CREB3L3: variants seen among roughly 807,000 people sequenced by gnomAD.
CREB3L3 encodes the protein cyclic AMP-responsive element-binding protein 3-like protein 3.
In CREB3L3, 40 loss-of-function variants were observed where a neutral mutation model predicts 44.6. The observed-to-expected ratio is 0.90, with a 90% confidence interval of 0.70 to 1.17. CREB3L3 has a LOEUF of 1.17. Ranked by LOEUF, CREB3L3 falls within the 50% of genes most tolerant of loss-of-function variation. The probability of loss-of-function intolerance (pLI) is 0.00; values close to 1 mark genes in which losing one functional copy is unlikely to be tolerated. For missense variants in CREB3L3, 578 were observed against 595.8 expected, an observed-to-expected ratio of 0.97 and a Z score of 0.31; for synonymous variants, 273 against 256.3, an observed-to-expected ratio of 1.06 and a Z score of -0.62.
intron 4 of CREB3L3, among the ~76,000 whole-genome samples, chr19:4,163,534 T>C (rs1379112614): frequency 1.3e-5 from 2 of 152,106 alleles, no homozygotes; most frequent in Non-Finnish European, 2.9e-5. Flanking sequence ...TGATAGTTTT[T>C]GTTGTTGCTG....
At position 4,171,848 on chromosome 19, in the gene CREB3L3, C is replaced by T; in HGVS notation, c.1265C>T (p.Thr422Ile). The T allele has an allele frequency of 6.2e-7, 1 of 1,613,618 alleles. No individual in the cohort carries two copies. ...TNSTEELDNA[T>I]LVLRNATEGL... ...TCGACGGAGGAGCTGGACAACGCCA[C>T]CCTGGTCCTGAGGAATGCAACAGAG... The change falls in exon 10 of 10, where the codon ACC becomes ATC. Residue 422 changes from threonine to isoleucine, a missense_variant. Transcript: ENST00000078445. This position sits in a 1 kb window ranked among gnomAD's most constrained non-coding sequence, Gnocchi z 4.9.
In CREB3L3 at chr19:4,172,084, C is replaced by G; in HGVS notation, c.*115C>G. ...TGAGGCCAAGACCCCAGCAGAGATGCCAGAATGGGGGAGGCACAGCTCATA... is the reference window on the plus strand; with the variant it reads ...TGAGGCCAAGACCCCAGCAGAGATGGCAGAATGGGGGAGGCACAGCTCATA... On this transcript the variant is annotated 3_prime_UTR_variant, in exon 10 of 10. Coordinates refer to ENST00000078445, the MANE Select transcript of CREB3L3 (RefSeq NM_032607.3). 2 of 1,112,306 alleles carry G rather than the reference C, an allele frequency of 1.8e-6. No individual in the cohort carries two copies. The highest frequency in any genetic ancestry group is 2.5e-6 in the Non-Finnish European group (2 of 800,518). 68.9% of individuals were successfully genotyped at this position (1,112,306 alleles called of 1,614,324 possible).
intron 5 of CREB3L3, among the ~76,000 whole-genome samples, chr19:4,167,482 A>AAGAG (rs1966938846): frequency 7.2e-6 from 1 of 139,148 alleles, no homozygotes; most frequent in East Asian, 2.5e-4. Flanking sequence ...AAGAAAAGGA[A>AAGAG]AGAAAGAGAG....
chr19:4,167,504 GAA>G (rs1160344318), intron 5 of CREB3L3, among the ~76,000 whole-genome samples: 10 of 115,384 alleles, frequency 8.7e-5, no homozygotes, highest in Admixed American at 2.5e-4. Context: ...AAGAGAAAGA[GAA>G]AGAGAGAAAG....
intron 3 of CREB3L3, among the ~76,000 whole-genome samples, chr19:4,158,981 C>A (rs1415415205): frequency 2.6e-5 from 4 of 152,074 alleles, no homozygotes; most frequent in Non-Finnish European, 5.9e-5. Context: ...AATCAGACCT[C>A]GTCCCTGCCC....
At chr19:4,164,675 C>A (rs770519350) in intron 5 of CREB3L3, 35 bp downstream of exon 5, 1 of 1,612,786 alleles carries the variant, frequency 6.2e-7, no homozygotes, top group East Asian at 2.2e-5. Flanking sequence ...CTGGATCCAT[C>A]TCCCCTTCGT....
At chr19:4,160,327 A>T (rs561941298) in intron 4 of CREB3L3, among the ~76,000 whole-genome samples, 3 of 151,752 alleles carry the variant, frequency 2.0e-5, no homozygotes, top group Non-Finnish European at 4.4e-5. Context: ...CAAAGCTAAA[A>T]CTGAGGCTGC....
rs906704929 is a variant in CREB3L3, at chr19:4,171,491, C to T, written c.1072+12C>T. 4 of 1,613,516 alleles carry T rather than the reference C, an allele frequency of 2.5e-6. No homozygotes were observed. The highest frequency in any genetic ancestry group is 2.2e-5 in the South Asian group (2 of 91,060). On this transcript the variant is annotated intron_variant, in intron 9 of 9. Transcript: ENST00000078445. This position sits in a 1 kb window ranked among gnomAD's most constrained non-coding sequence, Gnocchi z 4.9. ...TGCGCCTGTACGAGGTAGGGGATCC[C>T]CACCTTTGAAACCCTTGTCTGGTCT...
chr19:4,156,584 A>C (rs1448005794), intron 2 of CREB3L3, among the ~76,000 whole-genome samples: 15 of 145,410 alleles, frequency 1.0e-4, no homozygotes, highest in African/African-American at 3.1e-4. Context: ...GGCTCACTGC[A>C]GCCTCCGTCT....
rs2041597324 is a variant in CREB3L3, at chr19:4,157,285, C to T, written c.447C>T (p.Thr149=). The change falls in exon 3 of 10, where the codon ACC becomes ACT. Residue 149 remains threonine (T), a synonymous_variant. Transcript: ENST00000078445. ...TCCAAGTACCTGAAGCCTCTGTGACCATAGACCTGGGTGAGTCCTGCTGTG... is the reference window on the plus strand; with the variant it reads ...TCCAAGTACCTGAAGCCTCTGTGACTATAGACCTGGGTGAGTCCTGCTGTG... ...PVIQVPEASV[T]IDLEMWSPGG... 1 of 1,614,168 alleles carries T rather than the reference C, an allele frequency of 6.2e-7. No individual in the cohort carries two copies. The highest frequency in any genetic ancestry group is 8.5e-7 in the Non-Finnish European group (1 of 1,180,036).
chr19:4,161,656 A>G (rs1487834096), intron 4 of CREB3L3, among the ~76,000 whole-genome samples: 1 of 152,168 alleles, frequency 6.6e-6, no homozygotes, highest in Non-Finnish European at 1.5e-5. Context: ...CAGAGAGGTT[A>G]AGCCATGAGC....
intron 2 of CREB3L3, among the ~76,000 whole-genome samples, chr19:4,156,269 C>T (rs144901527): frequency 2.5e-4 from 38 of 151,734 alleles, no homozygotes; most frequent in African/African-American, 8.7e-4. Flanking sequence ...CATACCGCAA[C>T]CCCCACCTCC....
chr19:4,161,088 TC>T (rs1469382265), intron 4 of CREB3L3, among the ~76,000 whole-genome samples: 1 of 152,012 alleles, frequency 6.6e-6, no homozygotes, highest in Non-Finnish European at 1.5e-5. Context: ...ATTTTTTGTA[TC>T]TTTTTAGTAG....
intron 1 of CREB3L3, 134 bp from the exon 2 acceptor site, chr19:4,154,765 G>C: frequency 7.8e-7 from 1 of 1,289,090 alleles, no homozygotes; most frequent in South Asian, 1.2e-5. Context: ...TCTCAGCGAG[G>C]GGCAGCAGCT....
chr19:4,168,471 G>T lies in CREB3L3; in HGVS notation c.821+14G>T. 1 of 1,573,842 alleles carries T rather than the reference G, an allele frequency of 6.4e-7. No individual in the cohort carries two copies. Among genetic ancestry groups the T allele is most frequent in the South Asian group, 1.1e-5 (1 of 89,562 alleles). ...CCTGGAGACTCGGTGGGTAGTGCTG[G>T]ACCCAGACTCTACACTCGTGGAGGA... On this transcript the variant is annotated intron_variant, in intron 6 of 9. Coordinates refer to ENST00000078445, the MANE Select transcript of CREB3L3 (RefSeq NM_032607.3).
intron 4 of CREB3L3, among the ~76,000 whole-genome samples, chr19:4,163,840 T>G (rs2041692439): frequency 6.8e-6 from 1 of 147,976 alleles, no homozygotes; most frequent in African/African-American, 2.5e-5. Context: ...AGTCTTACTC[T>G]GTCTCTCAGG....
At chr19:4,155,751 C>CT (rs34277649) in intron 2 of CREB3L3, among the ~76,000 whole-genome samples, 107,663 of 136,178 alleles carry the variant, frequency 0.79, 42,963 homozygotes, top group African/African-American at 0.91. Flanking sequence ...CTTTTACTCT[C>CT]TTTTTTTTTT....
chr19:4,155,320 C>T (rs2041557541), intron 2 of CREB3L3, among the ~76,000 whole-genome samples: 1 of 151,424 alleles, frequency 6.6e-6, no homozygotes, highest in African/African-American at 2.4e-5. Context: ...TGGCTAGGTT[C>T]GGTTCTCTTC....
intron 4 of CREB3L3, among the ~76,000 whole-genome samples, chr19:4,162,237 A>G (rs960175073): frequency 6.6e-6 from 1 of 151,812 alleles, no homozygotes; most frequent in South Asian, 2.1e-4. Flanking sequence ...ATCTCCTGAC[A>G]TCAGGTGATC....
Sources: gnomAD v4.1 joint callset for allele counts (sites outside exome capture counted in the v4.1 genomes callset) on GRCh38, gnomAD v4.1.1 for gene constraint, Gnocchi (gnomAD v3.1) non-coding constraint, MANE v1.5 for transcripts, NCBI Gene and HGNC (gene_info 2026-07-23, HGNC 2026-07-21) for gene names.